The following ZNF385B variants were observed in gnomAD, a reference collection of about 807,000 sequenced individuals.
The protein encoded by ZNF385B is zinc finger protein 385B.
A neutral mutation model predicts 39.2 loss-of-function variants in ZNF385B; 23 were observed. That is an observed-to-expected ratio of 0.59 (90% CI 0.42 to 0.83). ZNF385B has a LOEUF of 0.83. Among genes scored for constraint, ZNF385B ranks in the 40% least tolerant of loss-of-function variants. The pLI is 0.00. For missense variants in ZNF385B, 552 were observed against 598.9 expected (o/e 0.92, Z 0.82); for synonymous variants, 205 against 222.6 (o/e 0.92, Z 0.70).
At chr2:179,537,527 C>T (rs1395629496) in intron 4 of ZNF385B, among the ~76,000 whole-genome samples, 1 of 151,818 alleles carries the variant, frequency 6.6e-6, no homozygotes, top group Non-Finnish European at 1.5e-5. Flanking sequence ...ATTGCCTGAG[C>T]TCAGGAGTTC....
Position 179,827,788 on chromosome 2 carries a change from C to T in ZNF385B, c.-155+33313G>A, listed in dbSNP as rs369980297. Among the ~76,000 whole-genome samples, 21 of 152,224 alleles carry T rather than the reference C, an allele frequency of 1.4e-4. No homozygotes were observed. The South Asian group carries it at 2.3e-3, about 17-fold the overall frequency. ...ACATCATAGAACCTATGAATTGTCA[C>T]GACGTGAACGTGTCCCATGTAGCTA... is the stretch of plus-strand genomic sequence containing the variant. On this transcript the variant is annotated intron_variant, in intron 1 of 9. Transcript: ENST00000410066.
chr2:179,464,670 T>C (rs904880661), intron 6 of ZNF385B, among the ~76,000 whole-genome samples: 15 of 152,172 alleles, frequency 9.9e-5, no homozygotes, highest in African/African-American at 3.6e-4. Flanking sequence ...ATGTGTGGTG[T>C]TATTTCTGAG....
intron 1 of ZNF385B, among the ~76,000 whole-genome samples, chr2:179,784,365 G>A (rs988262852): frequency 2.0e-5 from 3 of 151,834 alleles, no homozygotes; most frequent in African/African-American, 7.3e-5. Context: ...TAACTATTAG[G>A]TACTGGGTTT....
chr2:179,463,345 T>G (rs1574265340), intron 6 of ZNF385B, among the ~76,000 whole-genome samples: 4 of 53,192 alleles, frequency 7.5e-5, no homozygotes, highest in African/African-American at 2.6e-4. Flanking sequence ...ACTTGGCCTC[T>G]CTATTTCTTT....
intron 6 of ZNF385B, among the ~76,000 whole-genome samples, chr2:179,480,418 C>T (rs1480951763): frequency 6.6e-6 from 1 of 152,124 alleles, no homozygotes; most frequent in Non-Finnish European, 1.5e-5. Context: ...ATTTTTGTGT[C>T]TTGTGTTTTT....
chr2:179,646,300 AGCTACTCAGCAGGCTGAG>A (rs368851880), intron 3 of ZNF385B, among the ~76,000 whole-genome samples: 54 of 152,332 alleles, frequency 3.5e-4, no homozygotes, highest in African/African-American at 1.2e-3. Flanking sequence ...CTGGAAACCC[AGCTACTCAGCAGGCTGAG>A]GCAAAATAGC....
At chr2:179,689,247 G>T (rs1698159343) in intron 3 of ZNF385B, among the ~76,000 whole-genome samples, 1 of 152,196 alleles carries the variant, frequency 6.6e-6, no homozygotes. Context: ...GTCTGCCAAT[G>T]GTTATGACAA....
chr2:179,523,297 ATT>A (rs199635243), intron 4 of ZNF385B, among the ~76,000 whole-genome samples: 2 of 137,578 alleles, frequency 1.5e-5, no homozygotes, highest in Admixed American at 7.3e-5. Context: ...AATAAGAACA[ATT>A]TTTTTTTTTT....
intron 3 of ZNF385B, among the ~76,000 whole-genome samples, chr2:179,614,703 G>C (rs1362249398): frequency 6.6e-6 from 1 of 152,150 alleles, no homozygotes; most frequent in Non-Finnish European, 1.5e-5. Context: ...ATTTCCAAAG[G>C]TCAACCCTAC....
intron 3 of ZNF385B, among the ~76,000 whole-genome samples, chr2:179,550,694 T>C (rs764193643): frequency 1.3e-5 from 2 of 149,610 alleles, no homozygotes; most frequent in Admixed American, 6.6e-5. Context: ...CCAGGACTTA[T>C]TGCTTGTTTT....
intron 3 of ZNF385B, among the ~76,000 whole-genome samples, chr2:179,701,632 T>C (rs1439639767): frequency 1.3e-5 from 2 of 152,230 alleles, no homozygotes; most frequent in Non-Finnish European, 2.9e-5. Context: ...ATTTTCATTT[T>C]TTATTTCATC....
intron 6 of ZNF385B, among the ~76,000 whole-genome samples, chr2:179,454,509 TA>T (rs71401734): frequency 6.6e-6 from 1 of 151,936 alleles, no homozygotes; most frequent in Non-Finnish European, 1.5e-5. Context: ...CTTCCATTTA[TA>T]AAAAAATTAA....
chr2:179,793,183 G>T, intron 1 of ZNF385B, among the ~76,000 whole-genome samples: 1 of 152,188 alleles, frequency 6.6e-6, no homozygotes, highest in East Asian at 1.9e-4. Flanking sequence ...AAATTCACAT[G>T]TTGAATGATT....
rs11313974 is a variant in ZNF385B, at chr2:179,467,806, G to GA, written c.715+15465dup. 3.9e-3 allele frequency among the ~76,000 whole-genome samples: 551 copies of GA among 141,502 alleles called. 2 individuals are homozygous for GA. The highest frequency in any genetic ancestry group is 6.9e-3 in the Admixed American group (96 of 13,992). 92.8% of individuals were successfully genotyped at this position (141,502 alleles called of 152,430 possible). ...TGAATCAGAATCTGCATGTCCTTTA[G>GA]AAAAAAAAAAACAACAAAATAAAAA... On this transcript the variant is annotated intron_variant, in intron 6 of 9. Transcript: ENST00000410066.
chr2:179,735,921 T>C (rs1701721750), intron 3 of ZNF385B, among the ~76,000 whole-genome samples: 1 of 147,442 alleles, frequency 6.8e-6, no homozygotes, highest in Admixed American at 6.7e-5. Flanking sequence ...TTGGGAGATA[T>C]ACCTAATGCT....
chr2:179,501,059 T>C (rs2105726473), intron 5 of ZNF385B, among the ~76,000 whole-genome samples: 1 of 152,248 alleles, frequency 6.6e-6, no homozygotes, highest in Admixed American at 6.5e-5. Context: ...CTCACCCCAG[T>C]TGAAATGGCT....
At chr2:179,524,560 A>G (rs112221612) in intron 4 of ZNF385B, among the ~76,000 whole-genome samples, 411 of 42,242 alleles carry the variant, frequency 9.7e-3, no homozygotes, top group South Asian at 0.025. Flanking sequence ...TCAAAAAAAA[A>G]AAAAAAAAAA....
chr2:179,760,407 T>C (rs948341987), intron 3 of ZNF385B, among the ~76,000 whole-genome samples: 7 of 152,170 alleles, frequency 4.6e-5, no homozygotes, highest in Admixed American at 6.6e-5. Context: ...TTCAGAAATG[T>C]TGTATAAATG....
chr2:179,598,959 C>T (rs1041263201), intron 3 of ZNF385B, among the ~76,000 whole-genome samples: 3 of 151,996 alleles, frequency 2.0e-5, no homozygotes, highest in African/African-American at 7.2e-5. Context: ...ATATTAAGTG[C>T]TTTAGATGTT....
Sources: allele counts gnomAD v4.1 joint callset (sites outside exome capture counted in the v4.1 genomes callset), GRCh38; gene constraint gnomAD v4.1.1; transcripts MANE v1.5; gene names NCBI Gene and HGNC (gene_info 2026-07-23, HGNC 2026-07-21).